Variants in PTPRN2 observed in about 807,000 individuals in gnomAD.
PTPRN2 encodes protein tyrosine phosphatase receptor type N2, also known as receptor-type tyrosine-protein phosphatase N2.
A neutral mutation model predicts 118.8 loss-of-function variants in PTPRN2; 74 were observed. The observed-to-expected ratio is 0.62, with a 90% CI of 0.52 to 0.76. The LOEUF (loss-of-function observed/expected upper bound fraction) is 0.76. Ranked by LOEUF, PTPRN2 falls within the 30% of genes least tolerant of loss-of-function variation. The pLI, the probability that PTPRN2 is intolerant of heterozygous loss-of-function variation, is 0.00. For missense variants in PTPRN2, 1,481 were observed against 1,394.4 expected, an observed-to-expected ratio of 1.06 and a Z score of -0.99; for synonymous variants, 641 against 608.0, an observed-to-expected ratio of 1.05 and a Z score of -0.80.
At chr7:158,072,003 G>A (rs1207298550) in intron 11 of PTPRN2, among the ~76,000 whole-genome samples, 1 of 114,794 alleles carries the variant, frequency 8.7e-6, no homozygotes, top group Admixed American at 9.1e-5. Context: ...GGTGGTGGAG[G>A]TGCTCGTCGT....
At chr7:158,505,563 A>G (rs1351762726) in intron 1 of PTPRN2, among the ~76,000 whole-genome samples, 1 of 152,248 alleles carries the variant, frequency 6.6e-6, no homozygotes, top group Non-Finnish European at 1.5e-5. Flanking sequence ...TAAAATCCTG[A>G]GCTGTAACAC....
chr7:158,337,575 G>T (rs1297103071), intron 2 of PTPRN2, among the ~76,000 whole-genome samples: 1 of 138,898 alleles, frequency 7.2e-6, no homozygotes, highest in Non-Finnish European at 1.6e-5. Flanking sequence ...CATAATTGGT[G>T]ACACCTGCAG....
intron 2 of PTPRN2, among the ~76,000 whole-genome samples, chr7:158,324,072 CA>C (rs1803270373): frequency 6.6e-6 from 1 of 152,176 alleles, no homozygotes; most frequent in Non-Finnish European, 1.5e-5. Context: ...CACACACACA[CA>C]CACACCCAGA....
intron 2 of PTPRN2, among the ~76,000 whole-genome samples, chr7:158,318,008 T>C (rs1456243734): frequency 2.0e-5 from 3 of 151,962 alleles, no homozygotes; most frequent in African/African-American, 7.3e-5. Flanking sequence ...GGGCGGACAA[T>C]GGCAAGGAGG....
At chr7:158,164,692 G>C (rs1355590451) in intron 6 of PTPRN2, among the ~76,000 whole-genome samples, 2 of 152,210 alleles carry the variant, frequency 1.3e-5, no homozygotes, top group Non-Finnish European at 2.9e-5. Context: ...GAGGACAGAG[G>C]TGAATGGGGC....
At chr7:157,863,980 A>AGAC (rs1261897229) in intron 12 of PTPRN2, 1 of 152,248 alleles carries the variant, frequency 6.6e-6, no homozygotes, top group Non-Finnish European at 1.5e-5. Flanking sequence ...CAGCCTGAGC[A>AGAC]GACAGTACAG....
intron 1 of PTPRN2, among the ~76,000 whole-genome samples, chr7:158,556,324 C>T (rs191274276): frequency 2.0e-5 from 3 of 152,174 alleles, no homozygotes; most frequent in East Asian, 1.9e-4. Context: ...GAGGCCGAGG[C>T]GGGCAGATCA....
At chr7:158,175,937 C>A (rs566092407) in intron 5 of PTPRN2, among the ~76,000 whole-genome samples, 1 of 151,730 alleles carries the variant, frequency 6.6e-6, no homozygotes, top group African/African-American at 2.4e-5. Flanking sequence ...TCAAGACTCG[C>A]GACACCGTGA....
chr7:157,656,581 G>T (rs1245622977), intron 13 of PTPRN2, 30 bp from the exon 14 acceptor site: 1 of 1,499,686 alleles, frequency 6.7e-7, no homozygotes, highest in South Asian at 1.2e-5. Context: ...AGAGCAGGGG[G>T]TTAGTGGCAT....
At position 157,729,312 on chromosome 7, in the gene PTPRN2, T is replaced by A. The variant is rs569073720; in HGVS notation, c.1789-46375A>T. Among the ~76,000 whole-genome samples the A allele has an allele frequency of 6.6e-6, 1 of 152,292 alleles. No individual in the cohort carries two copies. The highest frequency in any genetic ancestry group is 2.1e-4 in the South Asian group (1 of 4,820). On this transcript the variant is annotated intron_variant, in intron 12 of 22. Coordinates refer to ENST00000389418, the MANE Select transcript of PTPRN2 (RefSeq NM_002847.5). This position sits in a 1 kb window ranked among gnomAD's most constrained non-coding sequence, Gnocchi z 4.3. ...GCAGGTGGGAACCCATGAGCTGTCT[T>A]GAGCACAGTGGCTGGAGTCTGTGCG...
At chr7:157,828,347 C>T (rs1174892654) in intron 12 of PTPRN2, among the ~76,000 whole-genome samples, 2 of 152,170 alleles carry the variant, frequency 1.3e-5, no homozygotes, top group Non-Finnish European at 2.9e-5. Context: ...GAAGAGGCCA[C>T]GTTGACTACA....
At chr7:157,979,168 A>T (rs1802955942) in intron 11 of PTPRN2, among the ~76,000 whole-genome samples, 2 of 152,048 alleles carry the variant, frequency 1.3e-5, no homozygotes, top group South Asian at 4.2e-4. Context: ...TACAGGGCCC[A>T]GTCCACAGCA....
At chr7:157,759,901 AC>A (rs1197495375) in intron 12 of PTPRN2, among the ~76,000 whole-genome samples, 1 of 152,164 alleles carries the variant, frequency 6.6e-6, no homozygotes, top group African/African-American at 2.4e-5. Context: ...TCCAGCACTC[AC>A]AGAGGCTCAT....
chr7:158,560,162 TG>T (rs749349971), intron 1 of PTPRN2, among the ~76,000 whole-genome samples: 1 of 152,260 alleles, frequency 6.6e-6, no homozygotes, highest in Non-Finnish European at 1.5e-5. Context: ...CGCTGAAGAC[TG>T]GGTAATAAGT....
rs1258644601 is a variant in PTPRN2 at position 157,591,413 on chromosome 7, A to T, written c.2496+3825T>A. Among the ~76,000 whole-genome samples, 1 of 152,234 alleles carries T rather than the reference A, an allele frequency of 6.6e-6. No individual in the cohort carries two copies. The highest frequency in any genetic ancestry group is 1.5e-5 in the Non-Finnish European group (1 of 68,028). On this transcript the variant is annotated intron_variant, in intron 17 of 22. Coordinates refer to ENST00000389418, the MANE Select transcript of PTPRN2 (RefSeq NM_002847.5). The surrounding 1 kb of genome is among the most constrained non-coding windows in gnomAD (Gnocchi z 4.4). ...GTCTGTGTCCCGATCCTTGGTCAGC[A>T]TCTGAGAATGGTCCAGAATGGGGAT...
At chr7:157,649,188 G>A (rs373265030) in intron 14 of PTPRN2, among the ~76,000 whole-genome samples, 825 of 21,376 alleles carry the variant, frequency 0.039, 1 homozygote, top group Middle Eastern at 0.083. Flanking sequence ...GGACCCATTC[G>A]CTGTGCACTG....
intron 12 of PTPRN2, among the ~76,000 whole-genome samples, chr7:157,755,516 C>T (rs1344981833): frequency 6.6e-6 from 1 of 152,044 alleles, no homozygotes; most frequent in East Asian, 1.9e-4. Flanking sequence ...AAAATGTGGT[C>T]CATATACACC....
chr7:158,107,933 A>G (rs1045574089), intron 10 of PTPRN2, among the ~76,000 whole-genome samples: 14 of 144,848 alleles, frequency 9.7e-5, no homozygotes, highest in African/African-American at 3.6e-4. Flanking sequence ...TGGATCTGGG[A>G]AAGTCCCCTG....
intron 3 of PTPRN2, among the ~76,000 whole-genome samples, chr7:158,262,727 C>T (rs955862199): frequency 5.4e-5 from 8 of 147,578 alleles, no homozygotes; most frequent in African/African-American, 2.1e-4. Flanking sequence ...ATTGCGCACA[C>T]ATACATTCAC....
Sources: gnomAD v4.1 joint callset for allele counts (sites outside exome capture counted in the v4.1 genomes callset) on GRCh38, gnomAD v4.1.1 for gene constraint, Gnocchi (gnomAD v3.1) non-coding constraint, MANE v1.5 for transcripts, NCBI Gene and HGNC (gene_info 2026-07-23, HGNC 2026-07-21) for gene names.